Variants in ARID1B observed in about 807,000 individuals in gnomAD.
The protein encoded by ARID1B is AT-rich interaction domain 1B, also known as AT-rich interactive domain-containing protein 1B.
Under a neutral mutation model 212.3 loss-of-function variants are expected in ARID1B, and 30 were observed. That is an observed-to-expected ratio of 0.14 (90% CI 0.11 to 0.19). ARID1B has a LOEUF of 0.19. Among genes scored for constraint, ARID1B ranks in the 10% least tolerant of loss-of-function variants. The pLI is 1.00. For synonymous variants in ARID1B, 1,402 were observed against 1,301.7 expected, an observed-to-expected ratio of 1.08 and a Z score of -1.66; for missense variants, 2,891 against 3,204.0, an observed-to-expected ratio of 0.90 and a Z score of 2.36.
At chr6:156,897,261 CTTCTTATTATTATTATTA>C (rs1788540254) in intron 2 of ARID1B, among the ~76,000 whole-genome samples, 1 of 92,730 alleles carries the variant, frequency 1.1e-5, no homozygotes, top group African/African-American at 3.6e-5. Flanking sequence ...TCTTCTTCTT[CTTCTTATTATTATTATTA>C]TTATTATTAT....
rs1778868646 is a variant in ARID1B, at chr6:156,778,592, C to G, written c.912C>G (p.Gly304=). ...QQPPVAVPGG[G]GGPAAVPEFN... ...CGCCGGTCGCCGTGCCCGGGGGCGG[C>G]GGCGGCCCGGCGGCCGTCCCGGAGT... is the stretch of plus-strand genomic sequence containing the variant. The change falls in exon 1 of 20, where the codon GGC becomes GGG. Residue 304 remains glycine (G), a synonymous_variant. Transcript: ENST00000636930. 3.9e-6 allele frequency: 5 copies of G among 1,279,322 alleles called. No individual in the cohort carries two copies. The highest frequency in any genetic ancestry group is 3.2e-5 in the East Asian group (1 of 30,942). 79.2% of individuals were successfully genotyped at this position (1,279,322 alleles called of 1,614,324 possible).
chr6:156,778,031 GTCC>G lies in ARID1B; in HGVS notation c.370_372del (p.Ser124del), dbSNP rs770512547. 598 of 1,482,920 alleles carry G rather than the reference GTCC, an allele frequency of 4.0e-4. No homozygotes were observed. The highest frequency in any genetic ancestry group is 1.1e-3 in the Admixed American group (53 of 48,290). The allele number at this position is 1,482,920 out of a possible 1,614,324, so 91.9% of individuals were successfully genotyped here. A position where few individuals can be genotyped will look rare whatever the true frequency, so the allele number is the denominator to read the frequency against. On this transcript the variant is annotated inframe_deletion, in exon 1 of 20. Coordinates refer to ENST00000636930, the MANE Select transcript of ARID1B (RefSeq NM_001374828.1). The stretch of plus-strand genomic sequence containing the variant: ...AGGAGGGTGGAAGCGCCGCCGCGCT[GTCC>G]TCCTCCTCCTCCTCCTCCGCGGCGG...
intron 4 of ARID1B, among the ~76,000 whole-genome samples, chr6:156,998,699 G>A (rs530806831): frequency 1.2e-4 from 19 of 152,274 alleles, no homozygotes; most frequent in Non-Finnish European, 8.8e-5. Context: ...AGCTGCGATG[G>A]AAGCAACACC....
chr6:157,092,521 A>C (rs1374540209), intron 5 of ARID1B, among the ~76,000 whole-genome samples: 1 of 152,242 alleles, frequency 6.6e-6, no homozygotes, highest in African/African-American at 2.4e-5. Flanking sequence ...CCACACCCCA[A>C]GTCAGGTATT....
chr6:156,959,340 A>G (rs906288397), intron 4 of ARID1B, among the ~76,000 whole-genome samples: 1 of 152,148 alleles, frequency 6.6e-6, no homozygotes, highest in Non-Finnish European at 1.5e-5. Flanking sequence ...TCATCTCTAG[A>G]TTACTTATAA....
At chr6:156,810,189 T>C (rs1781464854) in intron 1 of ARID1B, among the ~76,000 whole-genome samples, 1 of 152,234 alleles carries the variant, frequency 6.6e-6, no homozygotes, top group African/African-American at 2.4e-5. Flanking sequence ...TTTGTACACA[T>C]TGTCCTATAT....
intron 2 of ARID1B, among the ~76,000 whole-genome samples, chr6:156,887,211 G>C (rs1787576691): frequency 6.6e-6 from 1 of 152,202 alleles, no homozygotes; most frequent in Non-Finnish European, 1.5e-5. Context: ...GTCTGTGTCA[G>C]TGTGCAGCCT....
chr6:156,979,561 G>A (rs1158240157), intron 4 of ARID1B, among the ~76,000 whole-genome samples: 4 of 137,640 alleles, frequency 2.9e-5, no homozygotes, highest in African/African-American at 1.3e-4. Context: ...ATCAGCTGTT[G>A]CTGTTTTTTT....
At chr6:157,071,971 C>T (rs1414300013) in intron 4 of ARID1B, 2 of 152,194 alleles carry the variant, frequency 1.3e-5, no homozygotes, top group African/African-American at 2.4e-5. Context: ...CAGGTATTTA[C>T]AGACTTGCTA....
In ARID1B at chr6:157,151,816, T is replaced by C. The variant is rs191998125; in HGVS notation, c.3089+2865T>C. The C allele has an allele frequency of 2.0e-4, 30 of 152,342 alleles. No homozygotes were observed. The East Asian group carries it at 5.4e-3, about 27-fold the overall frequency. The allele number at this position is 152,342 out of a possible 1,614,324, so 9.4% of individuals were successfully genotyped here. On this transcript the variant is annotated intron_variant, in intron 8 of 19. Coordinates refer to ENST00000636930, the MANE Select transcript of ARID1B (RefSeq NM_001374828.1). ...TAGCTTTGTTTAAACAGTAAACTTA[T>C]AGAACTATGCTTTCACTACTGGTTA...
chr6:156,886,756 A>T (rs1346105456), intron 2 of ARID1B, among the ~76,000 whole-genome samples: 1 of 152,224 alleles, frequency 6.6e-6, no homozygotes, highest in Non-Finnish European at 1.5e-5. Context: ...GTTCTTAATA[A>T]TGTGTAACTG....
intron 1 of ARID1B, among the ~76,000 whole-genome samples, chr6:156,791,725 G>C (rs757823208): frequency 1.3e-5 from 2 of 152,294 alleles, no homozygotes; most frequent in Non-Finnish European, 2.9e-5. Flanking sequence ...TTTCTACCTG[G>C]TCCAGGGTGA....
chr6:156,879,344 G>A (rs533144597), intron 2 of ARID1B, among the ~76,000 whole-genome samples: 1 of 152,344 alleles, frequency 6.6e-6, no homozygotes, highest in African/African-American at 2.4e-5. Context: ...TCACTCAGCT[G>A]TGGAGTACAG....
intron 1 of ARID1B, among the ~76,000 whole-genome samples, chr6:156,791,053 C>A (rs1397057629): frequency 1.3e-5 from 2 of 152,192 alleles, no homozygotes; most frequent in Non-Finnish European, 2.9e-5. Flanking sequence ...ATTTGGATAA[C>A]TTAAAAGAAT....
At chr6:157,097,870 T>C (rs575433496) in intron 5 of ARID1B, among the ~76,000 whole-genome samples, 2 of 152,194 alleles carry the variant, frequency 1.3e-5, no homozygotes, top group Non-Finnish European at 2.9e-5. Context: ...CAACTGTGGT[T>C]AGTTATTAGC....
At chr6:156,939,137 T>C (rs866372814) in intron 4 of ARID1B, 12 of 152,332 alleles carry the variant, frequency 7.9e-5, no homozygotes, top group Non-Finnish European at 1.2e-4. Flanking sequence ...ATTACTGTTA[T>C]TGATAAATCT....
intron 3 of ARID1B, among the ~76,000 whole-genome samples, chr6:156,935,210 A>G (rs1282877542): frequency 6.6e-6 from 1 of 151,540 alleles, no homozygotes; most frequent in Admixed American, 6.6e-5. Context: ...CTCCCACCTC[A>G]GCCTCCCAAG....
intron 1 of ARID1B, among the ~76,000 whole-genome samples, chr6:156,799,945 C>T (rs758727213): frequency 1.4e-4 from 22 of 152,282 alleles, no homozygotes; most frequent in Middle Eastern, 6.8e-3. Context: ...TTCTTGTTTT[C>T]GGGGTCCTAG....
intron 1 of ARID1B, among the ~76,000 whole-genome samples, chr6:156,788,539 A>G (rs1779798740): frequency 6.6e-6 from 1 of 152,208 alleles, no homozygotes; most frequent in Non-Finnish European, 1.5e-5. Flanking sequence ...TTTTAGGAGA[A>G]TTACTTTTTG....
Sources: allele counts gnomAD v4.1 joint callset (sites outside exome capture counted in the v4.1 genomes callset), GRCh38; gene constraint gnomAD v4.1.1; transcripts MANE v1.5; gene names NCBI Gene and HGNC (gene_info 2026-07-23, HGNC 2026-07-21).